The following TAFA1 variants were observed in gnomAD, a reference collection of about 807,000 sequenced individuals.
TAFA1 encodes the protein TAFA chemokine like family member 1.
In TAFA1, 4 loss-of-function variants were observed where a neutral mutation model predicts 18.5. The ratio of observed to expected loss-of-function variants is 0.22; its 90% CI spans 0.11 to 0.49. TAFA1 has a LOEUF of 0.49. Among genes scored for constraint, TAFA1 ranks in the 20% least tolerant of loss-of-function variants. The pLI is 0.98. For synonymous variants in TAFA1, 56 were observed against 55.2 expected, an observed-to-expected ratio of 1.01 and a Z score of -0.06; for missense variants, 147 against 169.0, an observed-to-expected ratio of 0.87 and a Z score of 0.72.
rs142700203 is a variant in TAFA1 at position 68,213,590 on chromosome 3, A to G, written c.119-203690A>G. ...GTAGGGCCTGGAGTATATGAAAGAT[A>G]TTAGATCTTCGGAGAAATGTCATCA... On this transcript the variant is annotated intron_variant, in intron 2 of 4. Coordinates refer to ENST00000478136, the MANE Select transcript of TAFA1 (RefSeq NM_213609.4). Among the ~76,000 whole-genome samples the G allele has an allele frequency of 4.5e-4, 69 of 152,204 alleles. No homozygotes were observed. The East Asian group carries it at 0.011, about 25-fold the overall frequency.
intron 2 of TAFA1, among the ~76,000 whole-genome samples, chr3:68,305,423 ATATATATATATATATATAT>A (rs1185958567): frequency 1.3e-4 from 12 of 94,322 alleles, no homozygotes; most frequent in African/African-American, 3.3e-4. Context: ...ATATATATAT[ATATATATATATATATATAT>A]ATATATATAT....
intron 2 of TAFA1, among the ~76,000 whole-genome samples, chr3:68,032,212 A>G (rs927045665): frequency 1.3e-5 from 2 of 152,182 alleles, no homozygotes. Context: ...TGGTTTTTTC[A>G]AACAATGCCT....
chr3:68,281,549 A>C (rs1004833104), intron 2 of TAFA1, among the ~76,000 whole-genome samples: 1 of 147,130 alleles, frequency 6.8e-6, no homozygotes, highest in Non-Finnish European at 1.5e-5. Context: ...GGCTCACTGC[A>C]ACCTCCACTT....
At chr3:68,325,451 T>C (rs995987178) in intron 2 of TAFA1, among the ~76,000 whole-genome samples, 1 of 152,138 alleles carries the variant, frequency 6.6e-6, no homozygotes, top group Non-Finnish European at 1.5e-5. Flanking sequence ...TTAGGCAACA[T>C]ATGTGGAGAT....
intron 2 of TAFA1, among the ~76,000 whole-genome samples, chr3:68,185,679 C>G (rs1399287383): frequency 1.3e-5 from 2 of 151,872 alleles, no homozygotes; most frequent in Non-Finnish European, 2.9e-5. Context: ...GGAGGCCAAG[C>G]CAGATAGCTC....
At chr3:68,232,752 C>T (rs745565309) in intron 2 of TAFA1, among the ~76,000 whole-genome samples, 31 of 152,064 alleles carry the variant, frequency 2.0e-4, no homozygotes, top group South Asian at 6.2e-4. Flanking sequence ...ACTACAGGCA[C>T]GCACTACCAC....
chr3:68,157,853 CTTGGT>C (rs1270681227), intron 2 of TAFA1, among the ~76,000 whole-genome samples: 1 of 152,134 alleles, frequency 6.6e-6, no homozygotes, highest in African/African-American at 2.4e-5. Flanking sequence ...AATAAGTCTA[CTTGGT>C]TTGAAGGATT....
intron 2 of TAFA1, among the ~76,000 whole-genome samples, chr3:68,048,730 G>A (rs1294688003): frequency 6.6e-6 from 1 of 151,846 alleles, no homozygotes; most frequent in East Asian, 1.9e-4. Flanking sequence ...TCTTTGCCTG[G>A]CTTATTTCAT....
chr3:67,995,050 A>T, the TAFA1 span, among the ~76,000 whole-genome samples: 10 of 152,238 alleles, frequency 6.6e-5, no homozygotes, highest in African/African-American at 2.4e-4. Flanking sequence ...GAACTAGAAA[A>T]AAAAACAAAT....
At chr3:68,381,346 T>A (rs1189329435) in intron 2 of TAFA1, among the ~76,000 whole-genome samples, 3 of 151,288 alleles carry the variant, frequency 2.0e-5, no homozygotes, top group Non-Finnish European at 4.4e-5. Flanking sequence ...ATTGAATCTA[T>A]AAATTACCTT....
intron 2 of TAFA1, among the ~76,000 whole-genome samples, chr3:68,075,808 T>A (rs1407005358): frequency 1.3e-5 from 2 of 151,742 alleles, no homozygotes; most frequent in Non-Finnish European, 1.5e-5. Flanking sequence ...GCCATCCTCC[T>A]TCCTCAGCCT....
At chr3:68,520,243 A>G (rs922279505) in intron 3 of TAFA1, among the ~76,000 whole-genome samples, 9 of 152,322 alleles carry the variant, frequency 5.9e-5, no homozygotes, top group Admixed American at 3.9e-4. Flanking sequence ...ATTCACGAAG[A>G]TTTTCAGACT....
intron 3 of TAFA1, among the ~76,000 whole-genome samples, chr3:68,528,561 G>A (rs1201546566): frequency 2.6e-5 from 4 of 152,296 alleles, no homozygotes; most frequent in African/African-American, 7.2e-5. Flanking sequence ...GAAGAAAAGA[G>A]TTGTAACAGC....
At chr3:68,368,997 A>C (rs1559636809) in intron 2 of TAFA1, among the ~76,000 whole-genome samples, 1 of 152,254 alleles carries the variant, frequency 6.6e-6, no homozygotes. Flanking sequence ...AGAATATATC[A>C]AAAATATATG....
At chr3:68,487,808 A>AAAAAT (rs2072374582) in intron 3 of TAFA1, among the ~76,000 whole-genome samples, 1 of 118,654 alleles carries the variant, frequency 8.4e-6, no homozygotes, top group Non-Finnish European at 1.9e-5. Context: ...CTCTGTACCA[A>AAAAAT]AAGAAAAAAA....
intron 2 of TAFA1, among the ~76,000 whole-genome samples, chr3:68,369,696 A>G (rs1278139695): frequency 6.6e-6 from 1 of 152,104 alleles, no homozygotes; most frequent in Non-Finnish European, 1.5e-5. Flanking sequence ...TCACTCTCAC[A>G]TTGTTTTCAA....
At chr3:68,019,475 T>C (rs1004464778) in intron 2 of TAFA1, among the ~76,000 whole-genome samples, 5 of 152,224 alleles carry the variant, frequency 3.3e-5, no homozygotes, top group Non-Finnish European at 5.9e-5. Context: ...AAGTTATAAA[T>C]CATTCACACT....
chr3:68,455,559 A>T (rs562473719), intron 3 of TAFA1, among the ~76,000 whole-genome samples: 1 of 152,182 alleles, frequency 6.6e-6, no homozygotes, highest in Admixed American at 6.6e-5. Flanking sequence ...CGATGCATTC[A>T]TCTCCATCAA....
At chr3:68,439,778 G>C (rs998967204) in intron 3 of TAFA1, among the ~76,000 whole-genome samples, 3 of 151,786 alleles carry the variant, frequency 2.0e-5, no homozygotes, top group Non-Finnish European at 2.9e-5. Context: ...ACCCGGGATC[G>C]ATACTTTGCA....
Sources: allele counts gnomAD v4.1 joint callset (sites outside exome capture counted in the v4.1 genomes callset), GRCh38; gene constraint gnomAD v4.1.1; transcripts MANE v1.5; gene names NCBI Gene and HGNC (gene_info 2026-07-23, HGNC 2026-07-21).